Variants in KIF1A observed in about 807,000 individuals in gnomAD.
KIF1A encodes kinesin-like protein KIF1A.
Under a neutral mutation model 227.3 loss-of-function variants are expected in KIF1A, and 46 were observed. The observed-to-expected ratio is 0.20, with a 90% CI of 0.16 to 0.26. The LOEUF is 0.26. Ranked by LOEUF, KIF1A falls within the 10% of genes least tolerant of loss-of-function variation. KIF1A has a pLI of 1.00. For missense variants in KIF1A, 1,683 were observed against 2,485.9 expected (o/e 0.68, Z 6.87); for synonymous variants, 1,022 against 1,012.8 (o/e 1.01, Z -0.17).
At chr2:240,780,154 G>A (rs568115453) in intron 10 of KIF1A, among the ~76,000 whole-genome samples, 11 of 151,644 alleles carry the variant, frequency 7.3e-5, no homozygotes, top group South Asian at 2.1e-4. Context: ...AGTCCCTGAC[G>A]CAGCGTTCAC....
intron 2 of KIF1A, among the ~76,000 whole-genome samples, chr2:240,794,937 A>G (rs1400758393): frequency 6.6e-6 from 1 of 152,190 alleles, no homozygotes; most frequent in Non-Finnish European, 1.5e-5. Flanking sequence ...TGTCTGAAAC[A>G]TTCCAGGTGT....
chr2:240,814,652 C>T lies in KIF1A; in HGVS notation c.-61+5470G>A, dbSNP rs189202933. Among the ~76,000 whole-genome samples, 57 of 152,284 alleles carry T rather than the reference C, an allele frequency of 3.7e-4. 1 individual carries two copies. The highest frequency in any genetic ancestry group is 3.2e-3 in the Admixed American group (49 of 15,296). The stretch of plus-strand genomic sequence containing the variant: ...CATTCAAGAAAATAAAAAGGCTGGG[C>T]GCGGTGGCTCATACCTAAAATCCCA... On this transcript the variant is annotated intron_variant, in intron 1 of 48. Transcript: ENST00000498729.
chr2:240,767,225 G>C (rs750152951), intron 18 of KIF1A, 41 bp downstream of exon 18: 5 of 1,538,776 alleles, frequency 3.2e-6, no homozygotes, highest in Non-Finnish European at 4.5e-6. Flanking sequence ...CCAGATCCCA[G>C]GGCCTGGCCA....
intron 28 of KIF1A, among the ~76,000 whole-genome samples, 188 bp downstream of exon 28, chr2:240,750,241 G>C (rs2049057085): frequency 6.6e-6 from 1 of 152,254 alleles, no homozygotes; most frequent in South Asian, 2.1e-4. Context: ...CGGGGCGCCA[G>C]CCCAGGACAG....
intron 48 of KIF1A, 73 bp from the exon 49 acceptor site, chr2:240,717,479 C>T: frequency 2.1e-6 from 3 of 1,421,148 alleles, no homozygotes; most frequent in Non-Finnish European, 2.9e-6. Flanking sequence ...GTGCCCTGCA[C>T]AGGCAGGCAG....
At chr2:240,806,841 C>A (rs1037027191) in intron 1 of KIF1A, among the ~76,000 whole-genome samples, 1 of 152,070 alleles carries the variant, frequency 6.6e-6, no homozygotes. Flanking sequence ...CAGATTCAGA[C>A]ACTTCTTATA....
chr2:240,777,827 G>A (rs1049063802), intron 10 of KIF1A, among the ~76,000 whole-genome samples: 1 of 152,202 alleles, frequency 6.6e-6, no homozygotes, highest in African/African-American at 2.4e-5. Flanking sequence ...TCCTCAACCA[G>A]TTCCTCGAAA....
intron 2 of KIF1A, 25 bp downstream of exon 2, chr2:240,797,622 C>T (rs375104071): frequency 9.1e-6 from 14 of 1,542,410 alleles, no homozygotes; most frequent in African/African-American, 1.4e-5. Flanking sequence ...TGGCCGACCC[C>T]GATGCTGTGC....
In KIF1A at chr2:240,727,023, C is replaced by T. The variant is rs2046091555; in HGVS notation, c.4008-83G>A. ...GCCGGGGACATGCAGACAGACAGAG[C>T]GACAGACAAGGGGCAGCCGCAAGGG... On this transcript the variant is annotated intron_variant, in intron 38 of 48. Transcript: ENST00000498729. 24 of 813,344 alleles carry T rather than the reference C, an allele frequency of 3.0e-5. No homozygotes were observed. In the South Asian group the frequency reaches 3.0e-4, roughly 10 times the overall value. The allele number at this position is 813,344 out of a possible 1,614,324, so 50.4% of individuals were successfully genotyped here.
intron 1 of KIF1A, among the ~76,000 whole-genome samples, chr2:240,798,703 T>C (rs1255110206): frequency 6.6e-6 from 1 of 152,258 alleles, no homozygotes; most frequent in Non-Finnish European, 1.5e-5. Context: ...CTTTCCGGGC[T>C]GACCAGCCAG....
chr2:240,725,067 C>A lies in KIF1A; in HGVS notation c.4256+204G>T, dbSNP rs2045860464. On this transcript the variant is annotated intron_variant, in intron 40 of 48. Transcript: ENST00000498729. This position sits in a 1 kb window ranked among gnomAD's most constrained non-coding sequence, Gnocchi z 5.8. ...GTCCCTCATAGTGGTGTCAGTGTCC[C>A]CTGCAGGAACCATGGCCTCCACAGA... 6.9e-6 allele frequency among the ~76,000 whole-genome samples: 1 copy of A among 144,014 alleles called. No homozygotes were observed. Among genetic ancestry groups the A allele is most frequent in the Non-Finnish European group, 1.6e-5 (1 of 62,928 alleles). The allele number at this position is 144,014 out of a possible 152,430, so 94.5% of individuals were successfully genotyped here. A position where few individuals can be genotyped will look rare whatever the true frequency, so the allele number is the denominator to read the frequency against.
Position 240,725,394 on chromosome 2 carries a change from C to G in KIF1A, c.4133G>C (p.Cys1378Ser). The G allele has an allele frequency of 1.9e-6, 3 of 1,612,352 alleles. No homozygotes were observed. Among genetic ancestry groups the G allele is most frequent in the Non-Finnish European group, 2.5e-6 (3 of 1,179,718 alleles). ...CTTGGTGACAACAGCCGGCTGGGTG[C>G]AGTTCTCCATCTGAGATAGGCGGGA... ...TLSAYIEMENCTQPAVVTKDF... is the reference protein window; with the variant it reads ...TLSAYIEMENSTQPAVVTKDF... The change falls in exon 40 of 49, where the codon TGC becomes TCC. Residue 1378 changes from cysteine to serine, a missense_variant. Cys to Ser is a moderately radical substitution (Grantham distance 112). Coordinates refer to ENST00000498729, the MANE Select transcript of KIF1A (RefSeq NM_001244008.2). This position sits in a 1 kb window ranked among gnomAD's most constrained non-coding sequence, Gnocchi z 5.8.
chr2:240,757,656 G>C lies in KIF1A; in HGVS notation c.2583-62C>G. ...CCAGCGACTCGCAGGGACGAACAGG[G>C]GCCGGGGCCGGGGCTGGGGGGCTTC... is the stretch of plus-strand genomic sequence containing the variant. On this transcript the variant is annotated intron_variant, in intron 26 of 48. Transcript: ENST00000498729. The surrounding 1 kb of genome is among the most constrained non-coding windows in gnomAD (Gnocchi z 6.2). 2 of 1,508,282 alleles carry C rather than the reference G, an allele frequency of 1.3e-6. No individual in the cohort carries two copies. Among genetic ancestry groups the C allele is most frequent in the Non-Finnish European group, 1.8e-6 (2 of 1,120,986 alleles). The allele number at this position is 1,508,282 out of a possible 1,614,324, so 93.4% of individuals were successfully genotyped here.
At chr2:240,796,266 C>G (rs1476893486) in intron 2 of KIF1A, among the ~76,000 whole-genome samples, 1 of 152,246 alleles carries the variant, frequency 6.6e-6, no homozygotes, top group Non-Finnish European at 1.5e-5. Context: ...CTCTTAAAGG[C>G]AAGGGTCCTG....
intron 46 of KIF1A, among the ~76,000 whole-genome samples, chr2:240,719,548 C>T (rs1428119581): frequency 6.6e-6 from 1 of 152,256 alleles, no homozygotes. Context: ...TGGTTCCCAG[C>T]CTAGGCATGT....
chr2:240,765,133 C>G (rs1344154055), intron 20 of KIF1A, among the ~76,000 whole-genome samples: 1 of 152,248 alleles, frequency 6.6e-6, no homozygotes, highest in Non-Finnish European at 1.5e-5. Context: ...ACCCTAACTG[C>G]GTGGGCAATA....
At chr2:240,755,993 C>T (rs920192769) in intron 27 of KIF1A, among the ~76,000 whole-genome samples, 1 of 152,248 alleles carries the variant, frequency 6.6e-6, no homozygotes, top group East Asian at 1.9e-4. Context: ...AGGTTTTTAT[C>T]TGGTAGGCCA....
chr2:240,717,251 G>A lies in KIF1A; in HGVS notation c.*113C>T, dbSNP rs1033330948. The A allele has an allele frequency of 1.0e-5, 11 of 1,053,178 alleles. No homozygotes were observed. The highest frequency in any genetic ancestry group is 7.8e-5 in the African/African-American group (5 of 64,176). The allele number at this position is 1,053,178 out of a possible 1,614,324, so 65.2% of individuals were successfully genotyped here. On this transcript the variant is annotated 3_prime_UTR_variant, in exon 49 of 49. Transcript: ENST00000498729. ...TGGCATGGGCGTCCCCTGGGGGGTC[G>A]ACCCGGTCGTGGGCTGTCTGGCAGG...
In KIF1A at chr2:240,788,013, T is replaced by C. The variant is rs540035811; in HGVS notation, c.363+38A>G. The C allele has an allele frequency of 2.5e-5, 38 of 1,515,800 alleles. No individual in the cohort carries two copies. In the South Asian group the frequency reaches 3.4e-4, roughly 13 times the overall value. The allele number at this position is 1,515,800 out of a possible 1,614,324, so 93.9% of individuals were successfully genotyped here. A position where few individuals can be genotyped will look rare whatever the true frequency, so the allele number is the denominator to read the frequency against. On this transcript the variant is annotated intron_variant, in intron 4 of 48. Coordinates refer to ENST00000498729, the MANE Select transcript of KIF1A (RefSeq NM_001244008.2). The surrounding 1 kb of genome is among the most constrained non-coding windows in gnomAD (Gnocchi z 6.6). ...CTCAGCCTCAGCTGGTCCCGCCCCA[T>C]CTGCCAGGGCTGCCCCCGCCCGCCC...
Sources: gnomAD v4.1 joint callset for allele counts (sites outside exome capture counted in the v4.1 genomes callset) on GRCh38, gnomAD v4.1.1 for gene constraint, Gnocchi (gnomAD v3.1) non-coding constraint, MANE v1.5 for transcripts, NCBI Gene and HGNC (gene_info 2026-07-23, HGNC 2026-07-21) for gene names.